TASOR: variants seen among roughly 807,000 people sequenced by gnomAD.
TASOR encodes transcription activation suppressor, also known as protein TASOR.
A neutral mutation model predicts 178.6 loss-of-function variants in TASOR; 53 were observed. The ratio of observed to expected loss-of-function variants is 0.30; its 90% CI spans 0.24 to 0.37. The LOEUF (loss-of-function observed/expected upper bound fraction) is 0.37. TASOR is among the 10% of genes least tolerant of loss of function. The probability of loss-of-function intolerance (pLI) is 1.00; values close to 1 mark genes in which losing one functional copy is unlikely to be tolerated. For missense variants in TASOR, 1,815 were observed against 1,971.4 expected, an observed-to-expected ratio of 0.92 and a Z score of 1.50; for synonymous variants, 713 against 696.2, an observed-to-expected ratio of 1.02 and a Z score of -0.38.
At chr3:56,645,255 C>T (rs1481553515) in intron 14 of TASOR, among the ~76,000 whole-genome samples, 6 of 151,870 alleles carry the variant, frequency 4.0e-5, no homozygotes, top group Admixed American at 2.0e-4. Flanking sequence ...GCCTGGGTGA[C>T]GGAGTGAGAT....
At chr3:56,675,780 A>G (rs550880646) in intron 1 of TASOR, among the ~76,000 whole-genome samples, 4 of 152,336 alleles carry the variant, frequency 2.6e-5, no homozygotes, top group Admixed American at 1.3e-4. Context: ...CCACTTGTAC[A>G]TACTCCTAAA....
chr3:56,641,244 T>C (rs2077117445), intron 15 of TASOR, 105 bp downstream of exon 15: 2 of 1,196,108 alleles, frequency 1.7e-6, no homozygotes, highest in Admixed American at 4.8e-5. Context: ...AAAGTGCATT[T>C]TATTTCTTTT....
At chr3:56,655,934 T>C (rs1445471543) in intron 11 of TASOR, among the ~76,000 whole-genome samples, 1 of 152,186 alleles carries the variant, frequency 6.6e-6, no homozygotes, top group African/African-American at 2.4e-5. Context: ...TGTGATGAGA[T>C]GGAAGTGAGG....
rs1022253077 is a variant in TASOR, at chr3:56,683,233, C to T, written c.-227G>A. The T allele has an allele frequency of 4.3e-6, 2 of 460,098 alleles. No homozygotes were observed. Among genetic ancestry groups the T allele is most frequent in the Non-Finnish European group, 7.6e-6 (2 of 263,416 alleles). The allele number at this position is 460,098 out of a possible 1,614,324, so 28.5% of individuals were successfully genotyped here. ...GGAGCCGCTCCTCCCTCGGGCAGTTCTTCTGCCTTCCCCCGCCACTCAACG... is the reference window on the plus strand; with the variant it reads ...GGAGCCGCTCCTCCCTCGGGCAGTTTTTCTGCCTTCCCCCGCCACTCAACG... On this transcript the variant is annotated 5_prime_UTR_variant, in exon 1 of 24. Transcript: ENST00000683822.
rs986276330 is a variant in TASOR at position 56,646,040 on chromosome 3, C to T, written c.2215+482G>A. The stretch of plus-strand genomic sequence containing the variant: ...GCAGGCGCCTGCAGTCCCAGCTACT[C>T]GGGAGGCTGAGGCAGGAGAATGGCA... On this transcript the variant is annotated intron_variant, in intron 14 of 23. Coordinates refer to ENST00000683822, the MANE Select transcript of TASOR (RefSeq NM_001365635.2). Among the ~76,000 whole-genome samples the T allele has an allele frequency of 5.3e-5, 8 of 152,004 alleles. No individual in the cohort carries two copies. In the South Asian group the frequency reaches 6.2e-4, roughly 12 times the overall value.
intron 1 of TASOR, among the ~76,000 whole-genome samples, chr3:56,675,210 T>C (rs2031180269): frequency 6.6e-6 from 1 of 151,656 alleles, no homozygotes; most frequent in Non-Finnish European, 1.5e-5. Flanking sequence ...GTTTCGCTCT[T>C]GTTGCCCAGG....
rs1415043928 is a variant in TASOR at position 56,633,187 on chromosome 3, G to C, written c.3604C>G (p.Gln1202Glu). The part of the protein sequence containing the change: ...KSPSDVNISA[Q>E]PALSNFISQL... ...CTTATAAAATTTGAAAGAGCTGGTT[G>C]AGCAGAAATGTTTACATCACTGGGG... Residue 1202 changes from glutamine to glutamate, a missense_variant, in exon 18 of 24, where the codon CAA (glutamine) becomes GAA (glutamate). Physicochemically the swap from Gln to Glu is conservative, Grantham distance 29. Around this residue, in one of 5 missense-constraint regions of TASOR, gnomAD observed 655 missense variants for 671.1 expected, o/e 0.98. Coordinates refer to ENST00000683822, the MANE Select transcript of TASOR (RefSeq NM_001365635.2). 8 of 1,614,168 alleles carry C rather than the reference G, an allele frequency of 5.0e-6. No individual in the cohort carries two copies. Among genetic ancestry groups the C allele is most frequent in the Non-Finnish European group, 6.8e-6 (8 of 1,180,030 alleles).
chr3:56,636,894 C>T (rs1390191407), intron 17 of TASOR, among the ~76,000 whole-genome samples: 1 of 151,930 alleles, frequency 6.6e-6, no homozygotes, highest in Non-Finnish European at 1.5e-5. Flanking sequence ...TAACTACTAG[C>T]CGGGCACAGT....
intron 11 of TASOR, among the ~76,000 whole-genome samples, chr3:56,653,429 G>A (rs2077399849): frequency 6.6e-6 from 1 of 151,382 alleles, no homozygotes; most frequent in African/African-American, 2.4e-5. Context: ...CCTAGATACT[G>A]TAACTGCTAA....
At chr3:56,631,219 T>C (rs1168531917) in intron 18 of TASOR, among the ~76,000 whole-genome samples, 1 of 152,188 alleles carries the variant, frequency 6.6e-6, no homozygotes, top group Non-Finnish European at 1.5e-5. Flanking sequence ...ATGTAATTTC[T>C]ATGTTCTTCA....
At chr3:56,675,964 A>G (rs2031258379) in intron 1 of TASOR, among the ~76,000 whole-genome samples, 2 of 152,226 alleles carry the variant, frequency 1.3e-5, no homozygotes, top group Admixed American at 1.3e-4. Flanking sequence ...AATGGTTACC[A>G]CTATTTTCGA....
At chr3:56,626,797 C>T (rs562930137) in intron 21 of TASOR, among the ~76,000 whole-genome samples, 1 of 152,122 alleles carries the variant, frequency 6.6e-6, no homozygotes, top group South Asian at 2.1e-4. Context: ...TACTCTAAAT[C>T]CACAAATGGC....
chr3:56,670,125 T>G lies in TASOR; in HGVS notation c.591A>C (p.Lys197Asn). Residue 197 changes from lysine to asparagine, a missense_variant, in exon 4 of 24, where the codon AAA (lysine) becomes AAC (asparagine). Transcript: ENST00000683822. ...TTTTGGACTGACCCACATGTAATCC[T>G]TTTTCACATATGGTTTGAACCTAAA... ...DRYQVQTICE[K>N]GLHVGQSKIT... is the part of the protein sequence containing the mutation. 6.5e-7 allele frequency: 1 copy of G among 1,534,844 alleles called. No individual in the cohort carries two copies. Among genetic ancestry groups the G allele is most frequent in the Non-Finnish European group, 8.8e-7 (1 of 1,138,146 alleles).
In TASOR at chr3:56,633,671, A is replaced by G. The variant is rs764072914; in HGVS notation, c.3120T>C (p.Asn1040=). ...TGGAAACTGTACTGACATATGAAACATTCTTTTGCTTCAAAATCTCTTCTA... is the reference window on the plus strand; with the variant it reads ...TGGAAACTGTACTGACATATGAAACGTTCTTTTGCTTCAAAATCTCTTCTA... ...RKIEEILKQK[N]VSYVSTVSTP... Residue 1040 remains asparagine (N), a synonymous_variant, in exon 18 of 24, where the codon AAT becomes AAC. Coordinates refer to ENST00000683822, the MANE Select transcript of TASOR (RefSeq NM_001365635.2). 38 of 1,614,162 alleles carry G rather than the reference A, an allele frequency of 2.4e-5. 1 individual carries two copies. Among genetic ancestry groups the G allele is most frequent in the Non-Finnish European group, 3.2e-5 (38 of 1,180,024 alleles).
In TASOR at chr3:56,624,599, C is replaced by A. The variant is rs1393268500; in HGVS notation, c.4363G>T (p.Val1455Leu). Reference sequence around the variant, plus strand: ...ATGAAGTCTTCAGCAGTTGCAACCACTATTCCATTATCTGTATAACTGGAA... The same window carrying A: ...ATGAAGTCTTCAGCAGTTGCAACCAATATTCCATTATCTGTATAACTGGAA... ...MLSSYTDNGI[V>L]VATAEDFMQN... The change falls in exon 23 of 24, where the codon GTG (valine) becomes TTG (leucine). Residue 1455 changes from valine (V) to leucine (L), a missense_variant. Coordinates refer to ENST00000683822, the MANE Select transcript of TASOR (RefSeq NM_001365635.2). 2 of 1,613,918 alleles carry A rather than the reference C, an allele frequency of 1.2e-6. No homozygotes were observed. Among genetic ancestry groups the A allele is most frequent in the Admixed American group, 3.3e-5 (2 of 59,988 alleles).
At chr3:56,674,975 C>T (rs1302079710) in intron 1 of TASOR, among the ~76,000 whole-genome samples, 1 of 152,082 alleles carries the variant, frequency 6.6e-6, no homozygotes, top group Non-Finnish European at 1.5e-5. Context: ...CCCACCACCA[C>T]ACCCGGCTAA....
intron 14 of TASOR, among the ~76,000 whole-genome samples, chr3:56,643,885 A>G (rs1488151928): frequency 6.6e-6 from 1 of 152,166 alleles, no homozygotes; most frequent in Non-Finnish European, 1.5e-5. Flanking sequence ...GATAGTCACT[A>G]GTTTTAGTTA....
chr3:56,625,398 A>C lies in TASOR; in HGVS notation c.4140-392T>G, dbSNP rs1011586602. ...CCTGGTGGCTCACACCTGTAATCCC[A>C]AAACTTTGGGAGGCCAAAGCAGTTG... is the stretch of plus-strand genomic sequence containing the variant. On this transcript the variant is annotated intron_variant, in intron 21 of 23. Coordinates refer to ENST00000683822, the MANE Select transcript of TASOR (RefSeq NM_001365635.2). Among the ~76,000 whole-genome samples the C allele has an allele frequency of 3.3e-5, 5 of 152,228 alleles. No individual in the cohort carries two copies. The East Asian group carries it at 9.6e-4, about 29-fold the overall frequency.
At chr3:56,624,196 A>C (rs1382037551) in intron 23 of TASOR, among the ~76,000 whole-genome samples, 6 of 152,148 alleles carry the variant, frequency 3.9e-5, no homozygotes, top group African/African-American at 1.4e-4. Flanking sequence ...GCTTACAAAA[A>C]CCTCAAAGAC....
Sources: gnomAD v4.1 joint callset for allele counts (sites outside exome capture counted in the v4.1 genomes callset) on GRCh38, gnomAD v4.1.1 for gene constraint, gnomAD v4.1.1 regional missense constraint, MANE v1.5 for transcripts, NCBI Gene and HGNC (gene_info 2026-07-23, HGNC 2026-07-21) for gene names.